Variants in PRKDC observed in about 807,000 individuals in gnomAD.
PRKDC encodes DNA-dependent protein kinase catalytic subunit.
Under a neutral mutation model 486.9 loss-of-function variants are expected in PRKDC, and 82 were observed. The ratio of observed to expected loss-of-function variants is 0.17; its 90% CI spans 0.14 to 0.20. The LOEUF (loss-of-function observed/expected upper bound fraction) is 0.20. Ranked by LOEUF, PRKDC falls within the 10% of genes least tolerant of loss-of-function variation. The pLI, the probability that PRKDC is intolerant of heterozygous loss-of-function variation, is 1.00. For synonymous variants in PRKDC, 1,895 were observed against 1,837.0 expected (o/e 1.03, Z -0.81); for missense variants, 4,504 against 5,038.2 (o/e 0.89, Z 3.21).
In PRKDC at chr8:47,929,002, A is replaced by G. The variant is rs1447156208; in HGVS notation, c.2139+90T>C. 18 of 1,096,292 alleles carry G rather than the reference A, an allele frequency of 1.6e-5. No homozygotes were observed. The East Asian group carries it at 4.4e-4, about 27-fold the overall frequency. 67.9% of individuals were successfully genotyped at this position (1,096,292 alleles called of 1,614,324 possible). On this transcript the variant is annotated intron_variant, in intron 19 of 85. Transcript: ENST00000314191. ...ACCGCACCCAGCCCCAATTCTTAAAATAATTATTTATGATCACTAGGATTT... is the reference window on the plus strand; with the variant it reads ...ACCGCACCCAGCCCCAATTCTTAAAGTAATTATTTATGATCACTAGGATTT...
At position 47,901,427 on chromosome 8, in the gene PRKDC, T is replaced by A. The variant is rs190242149; in HGVS notation, c.3270-960A>T. On this transcript the variant is annotated intron_variant, in intron 27 of 85. Transcript: ENST00000314191. ...AAGCAGAGGTTGCAGTGAGCCGAGATCGCACCACTGCACTCCAGCCTGGGT... is the reference window on the plus strand; with the variant it reads ...AAGCAGAGGTTGCAGTGAGCCGAGAACGCACCACTGCACTCCAGCCTGGGT... Among the ~76,000 whole-genome samples the A allele has an allele frequency of 1.8e-4, 28 of 151,702 alleles. 1 individual carries two copies. The East Asian group carries it at 4.5e-3, about 24-fold the overall frequency.
chr8:47,791,565 C>A (rs1389511791), intron 74 of PRKDC, among the ~76,000 whole-genome samples: 1 of 152,060 alleles, frequency 6.6e-6, no homozygotes, highest in Non-Finnish European at 1.5e-5. Flanking sequence ...TAAAATGGGG[C>A]AAAGGATCTG....
chr8:47,775,041 A>T (rs1247663061), intron 85 of PRKDC, among the ~76,000 whole-genome samples: 1 of 151,998 alleles, frequency 6.6e-6, no homozygotes, highest in Non-Finnish European at 1.5e-5. Flanking sequence ...TACAAAAATT[A>T]CCAGGCGTGG....
chr8:47,789,630 C>T (rs1266523304), intron 74 of PRKDC, among the ~76,000 whole-genome samples: 1 of 152,102 alleles, frequency 6.6e-6, no homozygotes, highest in Non-Finnish European at 1.5e-5. Context: ...GCCAATATCC[C>T]TGATGAACAT....
At chr8:47,781,247 G>GC (rs987655891) in intron 80 of PRKDC, among the ~76,000 whole-genome samples, 1 of 152,218 alleles carries the variant, frequency 6.6e-6, no homozygotes, top group Non-Finnish European at 1.5e-5. Context: ...CTCATCAGTT[G>GC]CCCTGTCTTC....
At chr8:47,858,146 T>G (rs2088586714) in intron 48 of PRKDC, among the ~76,000 whole-genome samples, 2 of 151,920 alleles carry the variant, frequency 1.3e-5, no homozygotes, top group African/African-American at 4.8e-5. Context: ...GAGTCCGCTG[T>G]TTTTCATATA....
At chr8:47,857,399 GA>G (rs1483145521) in intron 48 of PRKDC, 100 bp from the exon 49 acceptor site, 1 of 1,336,240 alleles carries the variant, frequency 7.5e-7, no homozygotes, top group Non-Finnish European at 1.0e-6. Flanking sequence ...TTTATACTAT[GA>G]CTGGACCTAA....
At chr8:47,867,306 C>T (rs1336514295) in intron 40 of PRKDC, among the ~76,000 whole-genome samples, 1 of 152,084 alleles carries the variant, frequency 6.6e-6, no homozygotes, top group Non-Finnish European at 1.5e-5. Context: ...CATTATATAG[C>T]TTTGATTTTA....
chr8:47,849,497 C>T lies in PRKDC; in HGVS notation c.7012G>A (p.Glu2338Lys), dbSNP rs748856010. 8 of 1,609,742 alleles carry T rather than the reference C, an allele frequency of 5.0e-6. No individual in the cohort carries two copies. The highest frequency in any genetic ancestry group is 1.3e-5 in the African/African-American group (1 of 74,650). Residue 2338 changes from glutamate to lysine, a missense_variant, in exon 53 of 86, where the codon GAG becomes AAG. Glu to Lys is a moderately conservative substitution (Grantham distance 56). Around this residue, in one of 6 missense-constraint regions of PRKDC, gnomAD observed 1,592 missense variants for 1,724.6 expected, o/e 0.92. Coordinates refer to ENST00000314191, the MANE Select transcript of PRKDC (RefSeq NM_006904.7). ...RYVMERKNIL[E>K]ESLCELVAKQ... ...GCAACCAGTTCACACAGAGACTCCTCCAGTATCTGAAAAATTAAGTTTATT... is the reference window on the plus strand; with the variant it reads ...GCAACCAGTTCACACAGAGACTCCTTCAGTATCTGAAAAATTAAGTTTATT...
At chr8:47,839,271 CACA>C in intron 55 of PRKDC, 25 bp from the exon 56 acceptor site, 2 of 1,517,782 alleles carry the variant, frequency 1.3e-6, no homozygotes, top group Middle Eastern at 1.7e-4. Flanking sequence ...AGCAAAATGT[CACA>C]ACATTAATGC....
intron 17 of PRKDC, 64 bp downstream of exon 17, chr8:47,930,608 C>A (rs1453139342): frequency 1.5e-5 from 22 of 1,448,062 alleles, no homozygotes; most frequent in Non-Finnish European, 2.1e-5. Context: ...AAGGAATTTC[C>A]TATATTACAG....
intron 40 of PRKDC, among the ~76,000 whole-genome samples, chr8:47,869,980 C>G (rs1262094231): frequency 1.3e-5 from 2 of 152,130 alleles, no homozygotes; most frequent in Non-Finnish European, 2.9e-5. Context: ...ATGAAAAGGA[C>G]TTTGTTTTGC....
chr8:47,803,280 T>C lies in PRKDC; in HGVS notation c.9922+26A>G, dbSNP rs545213108. The C allele has an allele frequency of 8.2e-6, 13 of 1,584,524 alleles. No individual in the cohort carries two copies. In the African/African-American group the frequency reaches 1.6e-4, roughly 20 times the overall value. On this transcript the variant is annotated intron_variant, in intron 70 of 85. Coordinates refer to ENST00000314191, the MANE Select transcript of PRKDC (RefSeq NM_006904.7). Reference sequence around the variant, plus strand: ...CAATATAACACAGCCCTTTAAGATATAAGTGGATAAAAGCGGTCAACTTAC... The same window carrying C: ...CAATATAACACAGCCCTTTAAGATACAAGTGGATAAAAGCGGTCAACTTAC...
At chr8:47,874,046 T>C (rs2089029143) in intron 40 of PRKDC, among the ~76,000 whole-genome samples, 1 of 149,762 alleles carries the variant, frequency 6.7e-6, no homozygotes. Context: ...CGGGTTCACG[T>C]CATTCTCCTG....
chr8:47,917,470 A>T (rs1227194712), intron 22 of PRKDC, among the ~76,000 whole-genome samples: 1 of 152,208 alleles, frequency 6.6e-6, no homozygotes, highest in Non-Finnish European at 1.5e-5. Flanking sequence ...AAAGTTTTTC[A>T]AATTTTAATT....
At chr8:47,944,855 T>C (rs2090504956) in intron 7 of PRKDC, among the ~76,000 whole-genome samples, 1 of 152,120 alleles carries the variant, frequency 6.6e-6, no homozygotes, top group South Asian at 2.1e-4. Flanking sequence ...GGAGAGAGAA[T>C]GTGGTCAGAG....
Position 47,914,026 on chromosome 8 carries a change from A to G in PRKDC, c.2656T>C (p.Trp886Arg), listed in dbSNP as rs1340244568. The change falls in exon 24 of 86, where the codon TGG becomes CGG. Residue 886 changes from tryptophan (W) to arginine (R), a missense_variant. Physicochemically the swap from Trp to Arg is moderately radical, Grantham distance 101. Transcript: ENST00000314191. ...SDEMMKSYVA[W>R]DREKRLSFAV... ...AAGCTCAGCCGCTTCTCTCTGTCCCAGGCCACATAGCTCTTCATCATCTCA... is the reference window on the plus strand; with the variant it reads ...AAGCTCAGCCGCTTCTCTCTGTCCCGGGCCACATAGCTCTTCATCATCTCA... The G allele has an allele frequency of 5.0e-6, 8 of 1,590,622 alleles. No individual in the cohort carries two copies. Among genetic ancestry groups the G allele is most frequent in the Non-Finnish European group, 3.4e-6 (4 of 1,169,074 alleles).
chr8:47,854,028 C>T, intron 51 of PRKDC, 55 bp downstream of exon 51: 7 of 1,595,556 alleles, frequency 4.4e-6, no homozygotes, highest in Non-Finnish European at 6.0e-6. Flanking sequence ...ATACTGAAGT[C>T]TGTCAATCCA....
intron 21 of PRKDC, among the ~76,000 whole-genome samples, chr8:47,925,384 T>C (rs768656413): frequency 5.3e-5 from 8 of 152,192 alleles, no homozygotes; most frequent in Non-Finnish European, 1.2e-4. Flanking sequence ...CAAACCCACA[T>C]AGAAGGACAC....
Sources: gnomAD v4.1 joint callset for allele counts (sites outside exome capture counted in the v4.1 genomes callset) on GRCh38, gnomAD v4.1.1 for gene constraint, gnomAD v4.1.1 regional missense constraint, MANE v1.5 for transcripts, NCBI Gene and HGNC (gene_info 2026-07-23, HGNC 2026-07-21) for gene names.